The following MROH1 variants were observed in gnomAD, a reference collection of about 807,000 sequenced individuals.
The protein encoded by MROH1 is maestro heat-like repeat-containing protein family member 1.
Under a neutral mutation model 116.5 loss-of-function variants are expected in MROH1, and 117 were observed. The observed-to-expected ratio is 1.00, with a 90% CI of 0.86 to 1.17. The LOEUF (loss-of-function observed/expected upper bound fraction) is 1.17, where lower values mean the gene tolerates loss of function less well. Ranked by LOEUF, MROH1 falls within the 50% of genes most tolerant of loss-of-function variation. MROH1 has a pLI of 0.00. For synonymous variants in MROH1, 921 were observed against 583.9 expected, an observed-to-expected ratio of 1.58 and a Z score of -8.32; for missense variants, 1,873 against 1,338.5, an observed-to-expected ratio of 1.40 and a Z score of -6.23.
chr8:144,207,909 T>A (rs1441038571), intron 12 of MROH1, among the ~76,000 whole-genome samples: 2 of 151,864 alleles, frequency 1.3e-5, no homozygotes, highest in Non-Finnish European at 2.9e-5. Context: ...TGGGTGTGAG[T>A]GAAATGTAGG....
intron 2 of MROH1, among the ~76,000 whole-genome samples, chr8:144,162,909 G>C (rs1564367805): frequency 1.3e-5 from 2 of 151,692 alleles, no homozygotes; most frequent in Non-Finnish European, 2.9e-5. Context: ...TTTTAGTAGA[G>C]ACAGAGTTTC....
chr8:144,169,316 C>A (rs1449882844), intron 4 of MROH1, among the ~76,000 whole-genome samples: 6 of 152,310 alleles, frequency 3.9e-5, no homozygotes, highest in Admixed American at 3.9e-4. Context: ...GGGAAGATGA[C>A]CCAGTTCCAT....
intron 14 of MROH1, among the ~76,000 whole-genome samples, chr8:144,227,783 C>A (rs1838078659): frequency 6.6e-6 from 1 of 151,928 alleles, no homozygotes; most frequent in African/African-American, 2.4e-5. Context: ...GACCTTATCT[C>A]TACAAATAAT....
At chr8:144,175,313 T>G (rs915765719) in intron 4 of MROH1, among the ~76,000 whole-genome samples, 2 of 148,548 alleles carry the variant, frequency 1.3e-5, no homozygotes, top group African/African-American at 2.6e-5. Context: ...TCCAGTCGGA[T>G]GGGTATAAAT....
intron 12 of MROH1, chr8:144,201,061 G>A (rs2131822942): frequency 6.6e-6 from 1 of 152,256 alleles, no homozygotes; most frequent in East Asian, 1.9e-4. Flanking sequence ...TTGTTTTAAG[G>A]CTAATTTTTT....
At chr8:144,218,237 G>A (rs1835710022) in intron 12 of MROH1, among the ~76,000 whole-genome samples, 1 of 152,156 alleles carries the variant, frequency 6.6e-6, no homozygotes, top group Admixed American at 6.5e-5. Flanking sequence ...CATTACCCGA[G>A]ATGGACTTGC....
chr8:144,260,754 C>T lies in MROH1; in HGVS notation c.4458C>T (p.Asp1486=), dbSNP rs886146597. 4 of 779,310 alleles carry T rather than the reference C, an allele frequency of 5.1e-6. No homozygotes were observed. Among genetic ancestry groups the T allele is most frequent in the Non-Finnish European group, 7.2e-6 (3 of 417,792 alleles). The allele number at this position is 779,310 out of a possible 1,614,324, so 48.3% of individuals were successfully genotyped here. ...LNKVCHGDCE[D]VFLDQVVGGL... is the part of the protein sequence containing the mutation. ...AGGTCTGCCACGGAGACTGTGAGGACGTCTTCCTGGACCAGGTGGTGGGCG... is the reference window on the plus strand; with the variant it reads ...AGGTCTGCCACGGAGACTGTGAGGATGTCTTCCTGGACCAGGTGGTGGGCG... Residue 1486 remains aspartate (D), a synonymous_variant, in exon 40 of 44, where the codon GAC becomes GAT. Coordinates refer to ENST00000326134, the MANE Select transcript of MROH1 (RefSeq NM_032450.3).
intron 1 of MROH1, among the ~76,000 whole-genome samples, chr8:144,156,780 C>CTTTT (rs1188353149): frequency 6.1e-5 from 5 of 82,410 alleles, no homozygotes; most frequent in South Asian, 5.0e-4. Flanking sequence ...AGTTTAATTT[C>CTTTT]TTTTTTTTTT....
In MROH1 at chr8:144,180,055, T is replaced by C. The variant is rs1369377373; in HGVS notation, c.301-123T>C. The C allele has an allele frequency of 2.4e-6, 3 of 1,264,202 alleles. No homozygotes were observed. Among genetic ancestry groups the C allele is most frequent in the Non-Finnish European group, 2.2e-6 (2 of 894,558 alleles). The allele number at this position is 1,264,202 out of a possible 1,614,324, so 78.3% of individuals were successfully genotyped here. The stretch of plus-strand genomic sequence containing the variant: ...AGCAGAGGAGGCTGTGCCCGCCACC[T>C]TCCCTGACCTGCACTTTCTGGGGAC... On this transcript the variant is annotated intron_variant, in intron 5 of 43. Transcript: ENST00000326134. This position sits in a 1 kb window ranked among gnomAD's most constrained non-coding sequence, Gnocchi z 7.4.
rs1554835082 is a variant in MROH1 at position 144,260,320 on chromosome 8, C to T, written c.4326C>T (p.Asp1442=). The T allele has an allele frequency of 1.3e-6, 1 of 745,746 alleles. No homozygotes were observed. The highest frequency in any genetic ancestry group is 2.5e-5 in the East Asian group (1 of 39,802). The allele number at this position is 745,746 out of a possible 1,614,324, so 46.2% of individuals were successfully genotyped here. A position where few individuals can be genotyped will look rare whatever the true frequency, so the allele number is the denominator to read the frequency against. The change falls in exon 39 of 44, where the codon GAC becomes GAT. Residue 1442 remains aspartate (D), a synonymous_variant. Coordinates refer to ENST00000326134, the MANE Select transcript of MROH1 (RefSeq NM_032450.3). The stretch of plus-strand genomic sequence containing the variant: ...TGGTGCACCTGGTGGAGTCCTGGGA[C>T]CTGCGCTCAGGGCTGCTGCACGTGG... ...ARLVHLVESW[D]LRSGLLHVAI...
intron 14 of MROH1, among the ~76,000 whole-genome samples, chr8:144,233,701 C>G (rs1839424475): frequency 6.6e-6 from 1 of 152,206 alleles, no homozygotes; most frequent in African/African-American, 2.4e-5. Context: ...GCTCAATATT[C>G]CCTGTGTGGA....
intron 2 of MROH1, 48 bp downstream of exon 2, chr8:144,161,137 CTT>C (rs1819430652): frequency 6.6e-6 from 1 of 152,534 alleles, no homozygotes; most frequent in African/African-American, 2.4e-5. Flanking sequence ...TCTTCTGTCT[CTT>C]CTCTTTGACG....
intron 36 of MROH1, 142 bp from the exon 37 acceptor site, chr8:144,259,098 C>A: frequency 2.9e-6 from 2 of 679,164 alleles, no homozygotes; most frequent in Admixed American, 2.0e-5. Flanking sequence ...GCGAGGCAAG[C>A]TGGGAGGCAT....
intron 12 of MROH1, among the ~76,000 whole-genome samples, chr8:144,207,123 C>T (rs962509104): frequency 2.6e-5 from 4 of 151,722 alleles, no homozygotes; most frequent in Non-Finnish European, 5.9e-5. Context: ...TGCTTATTGA[C>T]CTTCAGATAT....
At chr8:144,257,974 C>A (rs1448094934) in intron 35 of MROH1, among the ~76,000 whole-genome samples, 19 of 152,192 alleles carry the variant, frequency 1.2e-4, no homozygotes, top group Admixed American at 1.3e-4. Context: ...TGCAGGGCAT[C>A]CTCTGCCCCA....
intron 32 of MROH1, among the ~76,000 whole-genome samples, chr8:144,249,921 C>A (rs1188227275): frequency 6.6e-6 from 1 of 152,232 alleles, no homozygotes; most frequent in African/African-American, 2.4e-5. Context: ...CTGTTGGATG[C>A]CTGCCCAGCT....
At position 144,163,652 on chromosome 8, in the gene MROH1, A is replaced by C. The variant is rs1391512380; in HGVS notation, c.-56-119A>C. 2 of 673,798 alleles carry C rather than the reference A, an allele frequency of 3.0e-6. No individual in the cohort carries two copies. The highest frequency in any genetic ancestry group is 3.6e-5 in the African/African-American group (2 of 54,934). The allele number at this position is 673,798 out of a possible 1,614,324, so 41.7% of individuals were successfully genotyped here. On this transcript the variant is annotated intron_variant, in intron 2 of 43. Coordinates refer to ENST00000326134, the MANE Select transcript of MROH1 (RefSeq NM_032450.3). The surrounding 1 kb of genome is among the most constrained non-coding windows in gnomAD (Gnocchi z 4.4). ...GTGGCTCAAAGAAAATGTGACGGAG[A>C]TATTTCCCCCAGAATAAATTCATTT...
intron 4 of MROH1, among the ~76,000 whole-genome samples, chr8:144,178,066 T>C (rs1369652468): frequency 6.6e-6 from 1 of 151,896 alleles, no homozygotes; most frequent in Admixed American, 6.6e-5. Flanking sequence ...TTCAAGCTTT[T>C]CTCCTGCCTC....
intron 2 of MROH1, among the ~76,000 whole-genome samples, chr8:144,161,376 G>A (rs577429389): frequency 6.6e-6 from 1 of 152,276 alleles, no homozygotes; most frequent in Non-Finnish European, 1.5e-5. Context: ...CAGGGAACCC[G>A]CTGCAGGTCT....
Sources: allele counts gnomAD v4.1 joint callset (sites outside exome capture counted in the v4.1 genomes callset), GRCh38; gene constraint gnomAD v4.1.1; non-coding constraint Gnocchi (gnomAD v3.1); transcripts MANE v1.5; gene names NCBI Gene and HGNC (gene_info 2026-07-23, HGNC 2026-07-21).